Variants in BMPR1A observed in about 807,000 individuals in gnomAD.
BMPR1A encodes bone morphogenetic protein receptor type 1A.
In BMPR1A, 7 loss-of-function variants were observed where a neutral mutation model predicts 66.0. The observed-to-expected ratio is 0.11, with a 90% CI of 0.06 to 0.20. BMPR1A has a LOEUF of 0.20. Ranked by LOEUF, BMPR1A falls within the 10% of genes least tolerant of loss-of-function variation. BMPR1A has a pLI of 1.00. For missense variants in BMPR1A, 408 were observed against 669.1 expected, an observed-to-expected ratio of 0.61 and a Z score of 4.31; for synonymous variants, 200 against 229.7, an observed-to-expected ratio of 0.87 and a Z score of 1.17.
intron 2 of BMPR1A, among the ~76,000 whole-genome samples, chr10:86,845,991 C>T (rs888098034): frequency 1.0e-4 from 15 of 148,788 alleles, no homozygotes; most frequent in Non-Finnish European, 1.6e-4. Flanking sequence ...AGCGAGACTC[C>T]GTCTCAAAAA....
intron 11 of BMPR1A, among the ~76,000 whole-genome samples, chr10:86,922,050 C>G (rs140778651): frequency 6.6e-6 from 1 of 152,178 alleles, no homozygotes; most frequent in Admixed American, 6.5e-5. Context: ...ACATCCCCCC[C>G]CATCTGCTGC....
intron 1 of BMPR1A, among the ~76,000 whole-genome samples, chr10:86,757,174 G>A (rs972561563): frequency 6.6e-6 from 1 of 152,250 alleles, no homozygotes; most frequent in African/African-American, 2.4e-5. Context: ...GCCGAGTTTG[G>A]GGATGCGGAG....
At chr10:86,796,973 C>T (rs564230364) in intron 1 of BMPR1A, among the ~76,000 whole-genome samples, 8 of 152,080 alleles carry the variant, frequency 5.3e-5, no homozygotes, top group Non-Finnish European at 8.8e-5. Context: ...GATTTTTGCC[C>T]AGTAACTTGA....
chr10:86,789,469 T>C (rs1841568016), intron 1 of BMPR1A, among the ~76,000 whole-genome samples: 1 of 151,914 alleles, frequency 6.6e-6, no homozygotes, highest in Non-Finnish European at 1.5e-5. Flanking sequence ...TTCCAGCACT[T>C]TGGGAGACTG....
chr10:86,880,920 G>T (rs1370810795), intron 3 of BMPR1A, among the ~76,000 whole-genome samples: 1 of 152,100 alleles, frequency 6.6e-6, no homozygotes, highest in Non-Finnish European at 1.5e-5. Flanking sequence ...ACTAGTTAGG[G>T]CTGAGGGCTG....
chr10:86,801,275 G>A lies in BMPR1A; in HGVS notation c.-267-37590G>A, dbSNP rs1841807708. Among the ~76,000 whole-genome samples, 5 of 152,018 alleles carry A rather than the reference G, an allele frequency of 3.3e-5. No individual in the cohort carries two copies. In the South Asian group the frequency reaches 1.0e-3, roughly 32 times the overall value. ...TCCCACCTCAGCCTCCTGAGTAGTT[G>A]GTGGCGTGCGCCACCATGCCCAACT... On this transcript the variant is annotated intron_variant, in intron 1 of 12. Coordinates refer to ENST00000372037, the MANE Select transcript of BMPR1A (RefSeq NM_004329.3).
chr10:86,798,464 A>T (rs1841757400), intron 1 of BMPR1A, among the ~76,000 whole-genome samples: 1 of 152,130 alleles, frequency 6.6e-6, no homozygotes, highest in Non-Finnish European at 1.5e-5. Context: ...TTAAATCCTG[A>T]TGAGGGTTTT....
At chr10:86,810,662 C>T (rs151185358) in intron 1 of BMPR1A, among the ~76,000 whole-genome samples, 91 of 152,296 alleles carry the variant, frequency 6.0e-4, no homozygotes, top group African/African-American at 2.1e-3. Flanking sequence ...TTACTGATAT[C>T]GTTCAGCATA....
intron 4 of BMPR1A, 32 bp downstream of exon 4, chr10:86,890,256 TAGG>T: frequency 6.2e-7 from 1 of 1,611,452 alleles, no homozygotes; most frequent in Non-Finnish European, 8.5e-7. Context: ...TCTTAAGAGT[TAGG>T]AGAATAGAGT....
At chr10:86,839,185 C>A (rs1842391420) in intron 2 of BMPR1A, among the ~76,000 whole-genome samples, 1 of 152,142 alleles carries the variant, frequency 6.6e-6, no homozygotes, top group African/African-American at 2.4e-5. Context: ...AAATGTTGAA[C>A]CTCTTCAGGA....
At position 86,925,719 on chromosome 10, in the gene BMPR1A, A is replaced by ACCTTTTTTTT. The variant is rs879569249; in HGVS notation, c.*2000_*2001insCCTTTTTTTT. 1.1e-4 allele frequency: 13 copies of ACCTTTTTTTT among 123,500 alleles called. No homozygotes were observed. Among genetic ancestry groups the ACCTTTTTTTT allele is most frequent in the African/African-American group, 4.7e-4 (9 of 19,224 alleles). The allele number at this position is 123,500 out of a possible 1,614,324, so 7.7% of individuals were successfully genotyped here. ...ACCATAATCTTTAAAATCATTTGTC[A>ACCTTTTTTTT]TCTTTTTTTTTTTTTTTTTGAGACG... On this transcript the variant is annotated 3_prime_UTR_variant, in exon 13 of 13. Transcript: ENST00000372037.
chr10:86,809,198 A>G (rs1051005348), intron 1 of BMPR1A, among the ~76,000 whole-genome samples: 1 of 152,200 alleles, frequency 6.6e-6, no homozygotes, highest in Non-Finnish European at 1.5e-5. Context: ...ATTTTAAAGT[A>G]TACAATTCCA....
intron 2 of BMPR1A, among the ~76,000 whole-genome samples, chr10:86,869,806 T>C (rs1198964847): frequency 6.6e-6 from 1 of 152,016 alleles, no homozygotes; most frequent in African/African-American, 2.4e-5. Flanking sequence ...TTTTGCTATG[T>C]GATTGTAGAA....
chr10:86,866,660 G>A (rs987979356), intron 2 of BMPR1A, among the ~76,000 whole-genome samples: 3 of 151,348 alleles, frequency 2.0e-5, no homozygotes, highest in Admixed American at 6.6e-5. Flanking sequence ...CACCATGCCC[G>A]GCCAACTCAG....
At chr10:86,895,828 GA>G (rs1201747909) in intron 5 of BMPR1A, among the ~76,000 whole-genome samples, 1 of 152,100 alleles carries the variant, frequency 6.6e-6, no homozygotes, top group African/African-American at 2.4e-5. Flanking sequence ...ACAAGTTTGA[GA>G]CCAGCCTGGG....
rs200416589 is a variant in BMPR1A, at chr10:86,899,915, G to A, written c.430+25G>A. On this transcript the variant is annotated intron_variant, in intron 6 of 12. Coordinates refer to ENST00000372037, the MANE Select transcript of BMPR1A (RefSeq NM_004329.3). Reference sequence around the variant, plus strand: ...GGTAGGTTAGCCGAGAAAAGTCGGAGCATGCTTCTCAAATATCTTCTCTGG... The same window carrying A: ...GGTAGGTTAGCCGAGAAAAGTCGGAACATGCTTCTCAAATATCTTCTCTGG... 9.8e-4 allele frequency: 1,585 copies of A among 1,611,374 alleles called. 14 individuals are homozygous for A. Among genetic ancestry groups the A allele is most frequent in the South Asian group, 9.3e-3 (849 of 91,026 alleles).
chr10:86,767,798 A>G (rs759185099), intron 1 of BMPR1A, among the ~76,000 whole-genome samples: 1 of 152,124 alleles, frequency 6.6e-6, no homozygotes, highest in Non-Finnish European at 1.5e-5. Flanking sequence ...CATAACTTCC[A>G]GTTGTCATAA....
chr10:86,929,385 C>T (rs1350065155), downstream of BMPR1A: 4 of 152,290 alleles, frequency 2.6e-5, no homozygotes, highest in East Asian at 7.7e-4. Context: ...GATAGCTTTC[C>T]TCCTCCTGTG....
rs1000553053 is a variant in BMPR1A, at chr10:86,766,697, G to T, written c.-268+9778G>T. 4.1e-5 allele frequency among the ~76,000 whole-genome samples: 6 copies of T among 146,100 alleles called. No individual in the cohort carries two copies. In the Admixed American group the frequency reaches 4.1e-4, roughly 10 times the overall value. Reference sequence around the variant, plus strand: ...GTGGCGCTATCTCTGCTCACAGCAAGCTCCGCCTCCTGGGTTCATGCCATT... The same window carrying T: ...GTGGCGCTATCTCTGCTCACAGCAATCTCCGCCTCCTGGGTTCATGCCATT... On this transcript the variant is annotated intron_variant, in intron 1 of 12. Transcript: ENST00000372037.
Sources: gnomAD v4.1 joint callset for allele counts (sites outside exome capture counted in the v4.1 genomes callset) on GRCh38, gnomAD v4.1.1 for gene constraint, MANE v1.5 for transcripts, NCBI Gene and HGNC (gene_info 2026-07-23, HGNC 2026-07-21) for gene names.